NLK: variants seen among roughly 807,000 people sequenced by gnomAD.
The protein encoded by NLK is serine/threonine-protein kinase NLK.
NLK carries 11 observed loss-of-function variants against 59.0 expected under a neutral mutation model. The observed-to-expected ratio is 0.19, with a 90% CI of 0.12 to 0.31. The LOEUF is 0.31. NLK is among the 10% of genes least tolerant of loss of function. The pLI is 1.00. For synonymous variants in NLK, 235 were observed against 235.9 expected, an observed-to-expected ratio of 1.00 and a Z score of 0.03; for missense variants, 410 against 661.1, an observed-to-expected ratio of 0.62 and a Z score of 4.16.
chr17:28,104,198 A>G (rs1482613782), intron 1 of NLK, among the ~76,000 whole-genome samples: 4 of 152,124 alleles, frequency 2.6e-5, no homozygotes, highest in African/African-American at 9.7e-5. Context: ...TATATAAACA[A>G]TCATTTTTGC....
At chr17:28,067,225 G>C (rs1214830004) in intron 1 of NLK, among the ~76,000 whole-genome samples, 1 of 152,096 alleles carries the variant, frequency 6.6e-6, no homozygotes, top group African/African-American at 2.4e-5. Flanking sequence ...ATAGTTTAAT[G>C]GTTTACACTG....
chr17:28,123,702 C>T (rs1906169897), intron 2 of NLK, among the ~76,000 whole-genome samples: 1 of 152,044 alleles, frequency 6.6e-6, no homozygotes, highest in Non-Finnish European at 1.5e-5. Context: ...CATAGGCTAC[C>T]TTATTTATGG....
intron 1 of NLK, among the ~76,000 whole-genome samples, chr17:28,074,163 G>T (rs891824208): frequency 1.1e-4 from 17 of 152,202 alleles, no homozygotes; most frequent in African/African-American, 4.1e-4. Context: ...ACAATCTCCA[G>T]ATGGGCTGGG....
At chr17:28,107,111 T>C (rs1597684070) in intron 1 of NLK, among the ~76,000 whole-genome samples, 1 of 152,262 alleles carries the variant, frequency 6.6e-6, no homozygotes, top group East Asian at 1.9e-4. Context: ...CTGGTGAATA[T>C]TTTTCAGTAC....
intron 7 of NLK, among the ~76,000 whole-genome samples, chr17:28,172,994 A>G (rs1215785780): frequency 6.6e-6 from 1 of 152,170 alleles, no homozygotes; most frequent in African/African-American, 2.4e-5. Flanking sequence ...CGTATTTCTT[A>G]TTCCAGCCAG....
At position 28,168,484 on chromosome 17, in the gene NLK, G is replaced by C; in HGVS notation, c.874G>C (p.Asp292His). 6.2e-7 allele frequency: 1 copy of C among 1,613,890 alleles called. No homozygotes were observed. Among genetic ancestry groups the C allele is most frequent in the African/African-American group, 1.3e-5 (1 of 75,050 alleles). The change falls in exon 6 of 11, where the codon GAT (aspartate) becomes CAT (histidine). Residue 292 changes from aspartate to histidine, a missense_variant. By Grantham distance (81) the Asp-to-His change is moderately conservative. Coordinates refer to ENST00000407008, the MANE Select transcript of NLK (RefSeq NM_016231.5). ...TGGATTGGCCAGAGTGGAAGAATTA[G>C]ATGAATCCCGTCATATGACTCAGGA... is the stretch of plus-strand genomic sequence containing the variant. ...DFGLARVEEL[D>H]ESRHMTQEVV...
intron 1 of NLK, among the ~76,000 whole-genome samples, chr17:28,055,723 AATT>A (rs1439129561): frequency 2.0e-5 from 3 of 152,324 alleles, no homozygotes; most frequent in East Asian, 1.9e-4. Flanking sequence ...TAGCTATCAC[AATT>A]ATTATTACTG....
chr17:28,145,967 A>G (rs1044954902), intron 3 of NLK, among the ~76,000 whole-genome samples: 2 of 152,138 alleles, frequency 1.3e-5, no homozygotes, highest in African/African-American at 4.8e-5. Context: ...CAGCCTCCCA[A>G]AGTGCTGGGA....
chr17:28,092,602 G>C (rs994132950), intron 1 of NLK, among the ~76,000 whole-genome samples: 3 of 152,028 alleles, frequency 2.0e-5, no homozygotes, highest in African/African-American at 7.3e-5. Context: ...CTGTGTAACT[G>C]TTTGTTTTCT....
intron 1 of NLK, among the ~76,000 whole-genome samples, chr17:28,068,181 A>G (rs531421873): frequency 1.9e-4 from 29 of 152,068 alleles, no homozygotes; most frequent in Middle Eastern, 6.8e-3. Flanking sequence ...GATTGTTCCA[A>G]TACCATTTGT....
At chr17:28,059,659 G>A (rs1173853132) in intron 1 of NLK, among the ~76,000 whole-genome samples, 1 of 152,178 alleles carries the variant, frequency 6.6e-6, no homozygotes, top group African/African-American at 2.4e-5. Flanking sequence ...GTATACTAGA[G>A]ATCCTTTTTC....
At chr17:28,123,140 A>T (rs1597694996) in intron 2 of NLK, among the ~76,000 whole-genome samples, 1 of 152,222 alleles carries the variant, frequency 6.6e-6, no homozygotes, top group Admixed American at 6.5e-5. Flanking sequence ...AAATTACACT[A>T]TGAATTGTAT....
chr17:28,147,612 C>T (rs1466343051), intron 3 of NLK, among the ~76,000 whole-genome samples: 3 of 152,116 alleles, frequency 2.0e-5, no homozygotes, highest in Non-Finnish European at 4.4e-5. Flanking sequence ...ATCTTTTTTG[C>T]GTCAGAGAAA....
chr17:28,066,591 T>G (rs2142752386), intron 1 of NLK, among the ~76,000 whole-genome samples: 1 of 152,346 alleles, frequency 6.6e-6, no homozygotes, highest in East Asian at 1.9e-4. Context: ...ATTTACAATA[T>G]TTCTGTGGAC....
At chr17:28,198,658 C>T (rs887285419), downstream of NLK, among the ~76,000 whole-genome samples, 9 of 152,258 alleles carry the variant, frequency 5.9e-5, no homozygotes, top group Non-Finnish European at 8.8e-5. Flanking sequence ...CATTCTCTTC[C>T]GGAGTTTTAT....
intron 7 of NLK, among the ~76,000 whole-genome samples, chr17:28,178,919 C>T (rs1393856143): frequency 1.3e-5 from 2 of 152,182 alleles, no homozygotes; most frequent in African/African-American, 4.8e-5. Context: ...GACACTTGCA[C>T]GGTCTAGCTG....
intron 3 of NLK, among the ~76,000 whole-genome samples, chr17:28,155,465 A>G (rs556973811): frequency 9.8e-5 from 15 of 152,344 alleles, no homozygotes; most frequent in African/African-American, 3.4e-4. Context: ...ATGCAGCTAT[A>G]AAGACATATG....
chr17:28,161,093 T>C lies in NLK; in HGVS notation c.645-67T>C, dbSNP rs200362535. ...TTGAGAATGGAAGTTATTTTTTAGA[T>C]CTGGTCACCACTTTGAGGGGGTAGG... On this transcript the variant is annotated intron_variant, in intron 3 of 10. Coordinates refer to ENST00000407008, the MANE Select transcript of NLK (RefSeq NM_016231.5). 2.2e-3 allele frequency: 1,855 copies of C among 834,008 alleles called. 6 individuals are homozygous for C. The highest frequency in any genetic ancestry group is 3.4e-3 in the Middle Eastern group (15 of 4,460). The allele number at this position is 834,008 out of a possible 1,614,324, so 51.7% of individuals were successfully genotyped here.
At position 28,184,777 on chromosome 17, in the gene NLK, T is replaced by A. The variant is rs34433549; in HGVS notation, c.1150-402T>A. On this transcript the variant is annotated intron_variant, in intron 7 of 10. Coordinates refer to ENST00000407008, the MANE Select transcript of NLK (RefSeq NM_016231.5). ...AGCCTGGCCAACATGGCAAAACCCC[T>A]TCTCTACTAAAAATACAAAATTACC... Among the ~76,000 whole-genome samples the A allele has an allele frequency of 5.2e-3, 793 of 152,018 alleles. 12 individuals carry two copies. The highest frequency in any genetic ancestry group is 0.018 in the African/African-American group (728 of 41,476).
Sources: allele counts gnomAD v4.1 joint callset (sites outside exome capture counted in the v4.1 genomes callset), GRCh38; gene constraint gnomAD v4.1.1; transcripts MANE v1.5; gene names NCBI Gene and HGNC (gene_info 2026-07-23, HGNC 2026-07-21).